The following ZNF516 variants were observed in gnomAD, a reference collection of about 807,000 sequenced individuals.
ZNF516 encodes zinc finger protein 516.
In ZNF516, 19 loss-of-function variants were observed where a neutral mutation model predicts 79.7. The ratio of observed to expected loss-of-function variants is 0.24; its 90% CI spans 0.17 to 0.35. The LOEUF (loss-of-function observed/expected upper bound fraction) is 0.35. Ranked by LOEUF, ZNF516 falls within the 10% of genes least tolerant of loss-of-function variation. The pLI, the probability that ZNF516 is intolerant of heterozygous loss-of-function variation, is 1.00. For synonymous variants in ZNF516, 877 were observed against 739.5 expected (o/e 1.19, Z -3.02); for missense variants, 1,678 against 1,679.5 (o/e 1.00, Z 0.02).
At chr18:76,378,535 C>T (rs1043097774) in intron 4 of ZNF516, among the ~76,000 whole-genome samples, 4 of 152,340 alleles carry the variant, frequency 2.6e-5, no homozygotes, top group Middle Eastern at 3.4e-3. Flanking sequence ...TGCGGAATGT[C>T]GGTGTGGAGG....
chr18:76,401,821 C>G (rs113011469), intron 3 of ZNF516, among the ~76,000 whole-genome samples: 47 of 97,164 alleles, frequency 4.8e-4, no homozygotes, highest in African/African-American at 9.8e-4. Context: ...ACCAACCACA[C>G]CCCCGCGCTC....
rs780914837 is a variant in ZNF516 at position 76,442,377 on chromosome 18, C to T, written c.678G>A (p.Ala226=). 1.2e-5 allele frequency: 20 copies of T among 1,608,894 alleles called. No individual in the cohort carries two copies. Among genetic ancestry groups the T allele is most frequent in the Non-Finnish European group, 1.6e-5 (19 of 1,179,514 alleles). ...AGGCCTCGCCGCTGCCGGGCCCCTG[C>T]GCGGTGATGTGGTCCCTCTCGATGT... ...LSHIERDHIT[A]QGPGSGEACV... is the part of the protein sequence containing the mutation. The change falls in exon 3 of 7, where the codon GCG becomes GCA. Residue 226 remains alanine (A), a synonymous_variant. Transcript: ENST00000443185.
intron 3 of ZNF516, among the ~76,000 whole-genome samples, chr18:76,433,548 C>T (rs551346455): frequency 6.0e-4 from 91 of 152,214 alleles, no homozygotes; most frequent in Non-Finnish European, 9.7e-4. Context: ...GCTGCACGCT[C>T]AGGCCTTGTG....
intron 1 of ZNF516, among the ~76,000 whole-genome samples, chr18:76,478,154 TGA>T (rs1491414855): frequency 3.3e-5 from 5 of 152,110 alleles, no homozygotes; most frequent in African/African-American, 9.7e-5. Flanking sequence ...TCAGGACAAA[TGA>T]GAGAGTGACA....
chr18:76,442,936 C>G lies in ZNF516; in HGVS notation c.119G>C (p.Gly40Ala). Residue 40 changes from glycine to alanine, a missense_variant, in exon 3 of 7, where the codon GGC (glycine) becomes GCC (alanine). Transcript: ENST00000443185. Reference protein sequence around the residue: ...KATCHTCCICGKSFPFQSSLS... With the variant: ...KATCHTCCICAKSFPFQSSLS... The stretch of plus-strand genomic sequence containing the variant: ...CGAGCTCTGGAAGGGGAAGCTCTTG[C>G]CGCAGATGCAGCAGGTGTGGCAGGT... 1 of 1,611,470 alleles carries G rather than the reference C, an allele frequency of 6.2e-7. No homozygotes were observed. Among genetic ancestry groups the G allele is most frequent in the Non-Finnish European group, 8.5e-7 (1 of 1,179,742 alleles).
rs761525379 is a variant in ZNF516 at position 76,379,098 on chromosome 18, C to G, written c.3016G>C (p.Ala1006Pro). ...PLPPREPPSK[A>P]AQELRTLATC... ...GCCAGAGTCCTCAGCTCCTGGGCTG[C>G]CTTCGAGGGGGGCTCGCGGGGAGGT... The change falls in exon 4 of 7, where the codon GCA (alanine) becomes CCA (proline). Residue 1006 changes from alanine to proline, a missense_variant. This residue lies in a region of ZNF516 where 1,294 missense variants were observed against 1,248.3 expected (regional missense o/e 1.04). Transcript: ENST00000443185. 3 of 1,611,444 alleles carry G rather than the reference C, an allele frequency of 1.9e-6. No individual in the cohort carries two copies. The South Asian group carries it at 3.3e-5, about 18-fold the overall frequency.
Position 76,440,718 on chromosome 18 carries a change from G to A in ZNF516, c.1810+527C>T, listed in dbSNP as rs1025023422. On this transcript the variant is annotated intron_variant, in intron 3 of 6. Coordinates refer to ENST00000443185, the MANE Select transcript of ZNF516 (RefSeq NM_014643.4). ...AGATAGTCTTCTACCCAGCTGGAGT[G>A]GAGGAAAGTGTGTGTGTGTGTGTTT... Among the ~76,000 whole-genome samples the A allele has an allele frequency of 1.2e-4, 18 of 146,154 alleles. 1 individual carries two copies. The highest frequency in any genetic ancestry group is 1.5e-5 in the Non-Finnish European group (1 of 66,682).
intron 3 of ZNF516, among the ~76,000 whole-genome samples, chr18:76,400,629 G>A (rs994658546): frequency 2.0e-5 from 3 of 152,124 alleles, no homozygotes; most frequent in Admixed American, 6.5e-5. Context: ...ACGTAGGCAC[G>A]GCCTGTCTGG....
rs958488131 is a variant in ZNF516 at position 76,379,185 on chromosome 18, T to C, written c.2929A>G (p.Lys977Glu). The part of the protein sequence containing the change: ...KHSAPDSLKA[K>E]FSAQPQGPPP... ...GGACCCTGAGGCTGAGCACTGAATT[T>C]GGCTTTCAGGGAGTCCGGGGCACTG... Residue 977 changes from lysine (K) to glutamate (E), a missense_variant, in exon 4 of 7, where the codon AAA becomes GAA. Around this residue, in one of 5 missense-constraint regions of ZNF516, gnomAD observed 1,294 missense variants for 1,248.3 expected, o/e 1.04. Transcript: ENST00000443185. The C allele has an allele frequency of 1.9e-6, 3 of 1,612,912 alleles. No homozygotes were observed. Among genetic ancestry groups the C allele is most frequent in the Non-Finnish European group, 2.5e-6 (3 of 1,179,782 alleles).
intron 6 of ZNF516, among the ~76,000 whole-genome samples, chr18:76,367,473 G>C (rs1365791009): frequency 6.6e-6 from 1 of 152,144 alleles, no homozygotes; most frequent in Non-Finnish European, 1.5e-5. Flanking sequence ...AAGGAGACCT[G>C]GTGCTCTCTA....
At position 76,459,345 on chromosome 18, in the gene ZNF516, C is replaced by T. The variant is rs1383509571; in HGVS notation, c.-158+3683G>A. The stretch of plus-strand genomic sequence containing the variant: ...AGCCCTGACCCGTGGCCACCATCCA[C>T]TCAACATCATTGAGCCCTCCCACAG... On this transcript the variant is annotated intron_variant, in intron 2 of 6. Transcript: ENST00000443185. This position sits in a 1 kb window ranked among gnomAD's most constrained non-coding sequence, Gnocchi z 5.0. Among the ~76,000 whole-genome samples, 1 of 152,202 alleles carries T rather than the reference C, an allele frequency of 6.6e-6. No individual in the cohort carries two copies. Among genetic ancestry groups the T allele is most frequent in the Admixed American group, 6.5e-5 (1 of 15,284 alleles).
At chr18:76,371,991 G>A (rs1341548886) in intron 4 of ZNF516, among the ~76,000 whole-genome samples, 5 of 152,218 alleles carry the variant, frequency 3.3e-5, no homozygotes, top group African/African-American at 1.2e-4. Flanking sequence ...AGCCCACCGT[G>A]ACCCGGCCGC....
At chr18:76,415,444 G>A (rs531248047) in intron 3 of ZNF516, among the ~76,000 whole-genome samples, 28 of 152,238 alleles carry the variant, frequency 1.8e-4, no homozygotes, top group African/African-American at 6.3e-4. Flanking sequence ...CTAAGTGCAC[G>A]CCTCTGAGCC....
rs187741434 is a variant in ZNF516, at chr18:76,475,738, G to T, written c.-271-12597C>A. The stretch of plus-strand genomic sequence containing the variant: ...ACTGGGCATCTGGAAATCACTGAGG[G>T]TGTGTACACACAACAGCACCCTACA... On this transcript the variant is annotated intron_variant, in intron 1 of 6. Transcript: ENST00000443185. Among the ~76,000 whole-genome samples, 135 of 152,200 alleles carry T rather than the reference G, an allele frequency of 8.9e-4. 2 individuals are homozygous for T. The highest frequency in any genetic ancestry group is 1.5e-3 in the Non-Finnish European group (100 of 68,010).
chr18:76,397,384 AT>A (rs1055840971), intron 3 of ZNF516, among the ~76,000 whole-genome samples: 2 of 152,214 alleles, frequency 1.3e-5, no homozygotes, highest in Non-Finnish European at 2.9e-5. Flanking sequence ...AGAAAAAAAA[AT>A]CTGAATGACA....
intron 3 of ZNF516, among the ~76,000 whole-genome samples, chr18:76,412,852 C>G (rs1346801069): frequency 6.6e-6 from 1 of 152,214 alleles, no homozygotes; most frequent in Non-Finnish European, 1.5e-5. Flanking sequence ...AGTCTTTCTT[C>G]CCTCAATGTC....
chr18:76,470,611 G>A (rs767614037), intron 1 of ZNF516, among the ~76,000 whole-genome samples: 9 of 152,096 alleles, frequency 5.9e-5, no homozygotes, highest in African/African-American at 1.4e-4. Context: ...AACATTTAAC[G>A]ACCACCCTTG....
At chr18:76,399,464 T>A (rs1342887746) in intron 3 of ZNF516, among the ~76,000 whole-genome samples, 34 of 152,224 alleles carry the variant, frequency 2.2e-4, no homozygotes, top group Non-Finnish European at 5.9e-5. Flanking sequence ...ATATATATAG[T>A]CAGCATATCC....
rs1248953235 is a variant in ZNF516 at position 76,441,385 on chromosome 18, C to A, written c.1670G>T (p.Gly557Val). The change falls in exon 3 of 7, where the codon GGA (glycine) becomes GTA (valine). Residue 557 changes from glycine (G) to valine (V), a missense_variant. Physicochemically the swap from Gly to Val is moderately radical, Grantham distance 109. Around this residue, in one of 5 missense-constraint regions of ZNF516, gnomAD observed 1,294 missense variants for 1,248.3 expected, o/e 1.04. Coordinates refer to ENST00000443185, the MANE Select transcript of ZNF516 (RefSeq NM_014643.4). ...GGCCGAGTCACCCTCACTGAGTGAT[C>A]CGCAGCGGGCCCGCGCCGCCCTGTC... Reference protein sequence around the residue: ...DGDRAARARCGSLSEGDSASQ... With the variant: ...DGDRAARARCVSLSEGDSASQ... 2 of 1,610,144 alleles carry A rather than the reference C, an allele frequency of 1.2e-6. No individual in the cohort carries two copies. The highest frequency in any genetic ancestry group is 1.7e-5 in the Admixed American group (1 of 59,888).
Sources: allele counts gnomAD v4.1 joint callset (sites outside exome capture counted in the v4.1 genomes callset), GRCh38; gene constraint gnomAD v4.1.1; regional missense constraint gnomAD v4.1.1; non-coding constraint Gnocchi (gnomAD v3.1); transcripts MANE v1.5; gene names NCBI Gene and HGNC (gene_info 2026-07-23, HGNC 2026-07-21).